Variants in TIPIN observed in about 807,000 individuals in gnomAD.
The protein encoded by TIPIN is TIMELESS interacting protein, also known as TIMELESS-interacting protein.
A neutral mutation model predicts 35.6 loss-of-function variants in TIPIN; 29 were observed. The ratio of observed to expected loss-of-function variants is 0.82; its 90% CI spans 0.61 to 1.11. The LOEUF (loss-of-function observed/expected upper bound fraction) is 1.11, where lower values mean the gene tolerates loss of function less well. TIPIN is among the 50% of genes most tolerant of loss of function. The pLI is 0.00. For synonymous variants in TIPIN, 102 were observed against 121.5 expected (o/e 0.84, Z 1.06); for missense variants, 296 against 345.4 (o/e 0.86, Z 1.13).
chr15:66,362,084 A>G (rs553375142), intron 1 of TIPIN, among the ~76,000 whole-genome samples: 1 of 152,190 alleles, frequency 6.6e-6, no homozygotes, highest in African/African-American at 2.4e-5. Context: ...CAGGCGGATC[A>G]CCTGAGGTCA....
intron 1 of TIPIN, among the ~76,000 whole-genome samples, chr15:66,375,672 C>G (rs1459067826): frequency 1.3e-5 from 2 of 150,692 alleles, no homozygotes; most frequent in Non-Finnish European, 3.0e-5. Context: ...AACCCCGTCT[C>G]TACTAGTACC....
chr15:66,339,529 AC>A lies in TIPIN; in HGVS notation c.682+1620del, dbSNP rs556970041. Among the ~76,000 whole-genome samples the A allele has an allele frequency of 2.5e-4, 38 of 152,304 alleles. 1 individual carries two copies. In the East Asian group the frequency reaches 6.7e-3, roughly 27 times the overall value. On this transcript the variant is annotated intron_variant, in intron 7 of 7. Coordinates refer to ENST00000261881, the MANE Select transcript of TIPIN (RefSeq NM_017858.3). The stretch of plus-strand genomic sequence containing the variant: ...GCAATTCTTTCTAAATATAGTTTTA[AC>A]AAATTTGGTTATATAGTTTCCAAAC...
At chr15:66,343,862 G>A (rs556212616) in intron 6 of TIPIN, among the ~76,000 whole-genome samples, 3 of 152,120 alleles carry the variant, frequency 2.0e-5, no homozygotes, top group African/African-American at 4.8e-5. Context: ...GTCGGGCATG[G>A]TGGCACATGA....
intron 1 of TIPIN, among the ~76,000 whole-genome samples, chr15:66,372,906 GA>G (rs917410174): frequency 9.4e-4 from 134 of 142,462 alleles, no homozygotes; most frequent in Non-Finnish European, 1.2e-3. Context: ...CCGTCTTGGG[GA>G]AAAAAAAAAA....
intron 1 of TIPIN, among the ~76,000 whole-genome samples, chr15:66,386,091 T>A (rs1224093946): frequency 6.6e-6 from 1 of 151,920 alleles, no homozygotes; most frequent in South Asian, 2.1e-4. Flanking sequence ...TTTAAGGCTT[T>A]AAAAAAATAT....
intron 7 of TIPIN, among the ~76,000 whole-genome samples, chr15:66,339,981 T>C (rs1224458004): frequency 6.6e-6 from 1 of 151,368 alleles, no homozygotes; most frequent in Admixed American, 6.6e-5. Context: ...GCGATTCTCC[T>C]GCCTCAGCCT....
Position 66,366,667 on chromosome 15 carries a change from C to T in TIPIN, c.-8-13712G>A, listed in dbSNP as rs557368469. Among the ~76,000 whole-genome samples the T allele has an allele frequency of 5.0e-4, 73 of 145,556 alleles. 2 individuals are homozygous for T. In the East Asian group the frequency reaches 0.014, roughly 27 times the overall value. ...CTGTAGTCCCAGCTCCTTGGGAGGC[C>T]GGGGCAGGAGAATTGCTTGAACCCA... On this transcript the variant is annotated intron_variant, in intron 1 of 7. Coordinates refer to the TIPIN transcript ENST00000562124.
At chr15:66,362,174 A>C (rs1352129624) in intron 1 of TIPIN, among the ~76,000 whole-genome samples, 1 of 151,724 alleles carries the variant, frequency 6.6e-6, no homozygotes, top group East Asian at 1.9e-4. Flanking sequence ...ATGGTGGCAC[A>C]TGCCTGTAAT....
intron 1 of TIPIN, among the ~76,000 whole-genome samples, chr15:66,370,629 T>C (rs939490228): frequency 3.9e-5 from 6 of 152,134 alleles, no homozygotes; most frequent in African/African-American, 1.4e-4. Context: ...TTAAAAGCAA[T>C]TGATATAGAG....
intron 1 of TIPIN, among the ~76,000 whole-genome samples, chr15:66,367,557 G>T (rs1313562099): frequency 6.6e-6 from 1 of 151,332 alleles, no homozygotes. Context: ...ACCACACTTG[G>T]CTAACTTTTG....
intron 1 of TIPIN, among the ~76,000 whole-genome samples, chr15:66,380,714 C>T (rs1237318381): frequency 6.6e-6 from 1 of 152,064 alleles, no homozygotes; most frequent in Non-Finnish European, 1.5e-5. Context: ...ACTCAGGAGG[C>T]TGAGGCAGGC....
chr15:66,363,726 T>C (rs941435954), intron 1 of TIPIN, among the ~76,000 whole-genome samples: 1 of 150,530 alleles, frequency 6.6e-6, no homozygotes, highest in African/African-American at 2.4e-5. Context: ...CTCACGCCCA[T>C]AATCCCAGCA....
At chr15:66,338,420 G>A (rs1336152551) in intron 7 of TIPIN, among the ~76,000 whole-genome samples, 1 of 152,100 alleles carries the variant, frequency 6.6e-6, no homozygotes, top group African/African-American at 2.4e-5. Context: ...CCAACTGCCA[G>A]GTATACTTGA....
In TIPIN at chr15:66,351,582, T is replaced by A. The variant is rs1410054890; in HGVS notation, c.231A>T (p.Gly77=). Residue 77 remains glycine, a synonymous_variant, in exon 4 of 8, where the codon GGA becomes GGT. Coordinates refer to ENST00000261881, the MANE Select transcript of TIPIN (RefSeq NM_017858.3). ...CAAATACATGCCTTAAGGCTGGAAG[T>A]CCTCTCTCTGAAATTAATCTGTGAA... The part of the protein sequence containing the change: ...LDAQRLISER[G]LPALRHVFDK... 6.2e-7 allele frequency: 1 copy of A among 1,612,130 alleles called. No individual in the cohort carries two copies. The highest frequency in any genetic ancestry group is 8.5e-7 in the Non-Finnish European group (1 of 1,179,004).
In TIPIN at chr15:66,342,029, CA is replaced by C. The variant is rs1350371587; in HGVS notation, c.476-674del. Among the ~76,000 whole-genome samples the C allele has an allele frequency of 1.1e-4, 17 of 151,900 alleles. No homozygotes were observed. In the South Asian group the frequency reaches 2.9e-3, roughly 26 times the overall value. ...TGAAACCCCATCTCTACTAAAAATACAAAAATTAGCTGGGCATGGTGGCGCA... is the reference window on the plus strand; with the variant it reads ...TGAAACCCCATCTCTACTAAAAATACAAAATTAGCTGGGCATGGTGGCGCA... On this transcript the variant is annotated intron_variant, in intron 6 of 7. Coordinates refer to ENST00000261881, the MANE Select transcript of TIPIN (RefSeq NM_017858.3).
chr15:66,351,916 G>A (rs1296350115), intron 3 of TIPIN, among the ~76,000 whole-genome samples: 2 of 145,210 alleles, frequency 1.4e-5, no homozygotes, highest in African/African-American at 4.9e-5. Context: ...TGGGATTATA[G>A]GCGTGAGCTA....
chr15:66,386,315 T>C (rs1480852430), intron 1 of TIPIN: 1 of 142,448 alleles, frequency 7.0e-6, no homozygotes, highest in Non-Finnish European at 1.5e-5. Flanking sequence ...TTCCCAAGTC[T>C]AAAAAAAAAA....
intron 1 of TIPIN, among the ~76,000 whole-genome samples, chr15:66,372,766 G>C (rs186982026): frequency 1.3e-5 from 2 of 152,284 alleles, no homozygotes; most frequent in African/African-American, 2.4e-5. Context: ...AGCCAGGTGT[G>C]GGGGCGGGGG....
intron 1 of TIPIN, among the ~76,000 whole-genome samples, chr15:66,384,266 G>T: frequency 6.7e-6 from 1 of 148,260 alleles, no homozygotes; most frequent in East Asian, 2.0e-4. Context: ...CAAAGTGCTG[G>T]GATTACAGGC....
Sources: gnomAD v4.1 joint callset for allele counts (sites outside exome capture counted in the v4.1 genomes callset) on GRCh38, gnomAD v4.1.1 for gene constraint, MANE v1.5 for transcripts, NCBI Gene and HGNC (gene_info 2026-07-23, HGNC 2026-07-21) for gene names.